The following BCAS3 variants were observed in gnomAD, a reference collection of about 807,000 sequenced individuals.
The protein encoded by BCAS3 is BCAS3 microtubule associated cell migration factor.
A neutral mutation model predicts 116.1 loss-of-function variants in BCAS3; 53 were observed. The ratio of observed to expected loss-of-function variants is 0.46; its 90% CI spans 0.37 to 0.57. BCAS3 has a LOEUF of 0.57. Ranked by LOEUF, BCAS3 falls within the 20% of genes least tolerant of loss-of-function variation. BCAS3 has a pLI of 0.00. For synonymous variants in BCAS3, 391 were observed against 408.2 expected (o/e 0.96, Z 0.51); for missense variants, 917 against 1,165.4 (o/e 0.79, Z 3.10).
At chr17:61,338,044 G>A (rs983045487) in intron 22 of BCAS3, among the ~76,000 whole-genome samples, 4 of 152,162 alleles carry the variant, frequency 2.6e-5, no homozygotes, top group Admixed American at 2.6e-4. Context: ...GCTTAATGTT[G>A]TATCTCAGTG....
chr17:60,973,124 T>C (rs968859798), intron 14 of BCAS3, among the ~76,000 whole-genome samples: 2 of 152,194 alleles, frequency 1.3e-5, no homozygotes, highest in Non-Finnish European at 2.9e-5. Flanking sequence ...ATAAAATGTT[T>C]GCTGCTGGTC....
chr17:60,770,400 C>CTTTTT lies in BCAS3; in HGVS notation c.403+23154_403+23158dup, dbSNP rs35691381. Among the ~76,000 whole-genome samples, 9 of 76,876 alleles carry CTTTTT rather than the reference C, an allele frequency of 1.2e-4. 1 individual carries two copies. The highest frequency in any genetic ancestry group is 6.2e-4 in the South Asian group (1 of 1,622). 50.4% of individuals were successfully genotyped at this position (76,876 alleles called of 152,430 possible). ...CGCCTCTCTCATCCCAGTGTTCCCT[C>CTTTTT]TTTTTTTTTTTTTTTTTTTTTTTTT... On this transcript the variant is annotated intron_variant, in intron 6 of 23. Transcript: ENST00000407086.
chr17:60,739,377 T>G (rs1474138775), intron 5 of BCAS3, among the ~76,000 whole-genome samples: 2 of 152,158 alleles, frequency 1.3e-5, no homozygotes, highest in Non-Finnish European at 2.9e-5. Context: ...CCCAGCACTT[T>G]GGGAGGCTGA....
At chr17:61,290,970 C>T (rs574405100) in intron 22 of BCAS3, among the ~76,000 whole-genome samples, 16 of 152,004 alleles carry the variant, frequency 1.1e-4, no homozygotes, top group Middle Eastern at 3.2e-3. Flanking sequence ...TTAGTAGAGA[C>T]GGGGTTTCAC....
rs183015193 is a variant in BCAS3 at position 61,351,448 on chromosome 17, G to A, written c.2426-16879G>A. On this transcript the variant is annotated intron_variant, in intron 22 of 23. Transcript: ENST00000407086. ...TACTTGACATTCAGATTCCACGTTC[G>A]ATTTTTGAATGATCTGTCATAGAGC... Among the ~76,000 whole-genome samples the A allele has an allele frequency of 3.3e-5, 5 of 152,300 alleles. No homozygotes were observed. The South Asian group carries it at 6.2e-4, about 19-fold the overall frequency.
chr17:60,815,402 C>A (rs2049283871), intron 7 of BCAS3, among the ~76,000 whole-genome samples: 1 of 151,810 alleles, frequency 6.6e-6, no homozygotes, highest in South Asian at 2.1e-4. Flanking sequence ...ATGTAACAAG[C>A]CTGCACGTTG....
chr17:60,744,908 G>T (rs1224412132), intron 5 of BCAS3, among the ~76,000 whole-genome samples: 1 of 152,160 alleles, frequency 6.6e-6, no homozygotes, highest in East Asian at 1.9e-4. Flanking sequence ...TTGCTGAAAA[G>T]TGTTGTATAT....
intron 13 of BCAS3, among the ~76,000 whole-genome samples, chr17:60,941,485 A>G (rs921407957): frequency 6.6e-6 from 1 of 152,196 alleles, no homozygotes; most frequent in Admixed American, 6.5e-5. Flanking sequence ...TCTAAATGAA[A>G]AGAAAGCACG....
In BCAS3 at chr17:61,215,915, C is replaced by G. The variant is rs1391598509; in HGVS notation, c.2425+131351C>G. 6.6e-6 allele frequency among the ~76,000 whole-genome samples: 1 copy of G among 152,196 alleles called. No individual in the cohort carries two copies. Among genetic ancestry groups the G allele is most frequent in the Non-Finnish European group, 1.5e-5 (1 of 68,034 alleles). On this transcript the variant is annotated intron_variant, in intron 22 of 23. Coordinates refer to ENST00000407086, the MANE Select transcript of BCAS3 (RefSeq NM_017679.5). The surrounding 1 kb of genome is among the most constrained non-coding windows in gnomAD (Gnocchi z 4.8). ...TTGAAAACCTTTGTCTTAGTCAGAT[C>G]TCTGTGCTTTTCAGGATATAATAGG...
intron 5 of BCAS3, among the ~76,000 whole-genome samples, chr17:60,731,952 T>G (rs924055874): frequency 7.9e-5 from 12 of 151,940 alleles, no homozygotes; most frequent in Non-Finnish European, 1.6e-4. Context: ...TTTTTGTATT[T>G]TTAGTAGAGA....
chr17:61,180,736 C>T lies in BCAS3; in HGVS notation c.2425+96172C>T, dbSNP rs959152151. Among the ~76,000 whole-genome samples, 1 of 152,198 alleles carries T rather than the reference C, an allele frequency of 6.6e-6. No homozygotes were observed. Among genetic ancestry groups the T allele is most frequent in the Non-Finnish European group, 1.5e-5 (1 of 68,046 alleles). The stretch of plus-strand genomic sequence containing the variant: ...CTTAGATGGCATATGGCACTATCTG[C>T]AGTAGGCTTTGTGCTGTAGGCACAG... On this transcript the variant is annotated intron_variant, in intron 22 of 23. Coordinates refer to ENST00000407086, the MANE Select transcript of BCAS3 (RefSeq NM_017679.5). This position sits in a 1 kb window ranked among gnomAD's most constrained non-coding sequence, Gnocchi z 6.0.
At chr17:60,834,217 A>G (rs1400023662) in intron 7 of BCAS3, among the ~76,000 whole-genome samples, 4 of 152,058 alleles carry the variant, frequency 2.6e-5, no homozygotes. Flanking sequence ...GATTTCTTAG[A>G]AGTATTAATT....
At chr17:60,847,616 G>A (rs570637544) in intron 7 of BCAS3, among the ~76,000 whole-genome samples, 27 of 152,112 alleles carry the variant, frequency 1.8e-4, no homozygotes, top group Non-Finnish European at 3.2e-4. Flanking sequence ...TTGTGCACAT[G>A]TTGACCATTT....
rs752155565 is a variant in BCAS3 at position 61,259,967 on chromosome 17, G to T, written c.2426-108360G>T. On this transcript the variant is annotated intron_variant, in intron 22 of 23. Transcript: ENST00000407086. The surrounding 1 kb of genome is among the most constrained non-coding windows in gnomAD (Gnocchi z 4.7). Reference sequence around the variant, plus strand: ...TGCTGTGTGAGGTAGGCGTTGTACAGGCTGCCTAACATAGTTTTTTATTAA... The same window carrying T: ...TGCTGTGTGAGGTAGGCGTTGTACATGCTGCCTAACATAGTTTTTTATTAA... Among the ~76,000 whole-genome samples the T allele has an allele frequency of 6.6e-6, 1 of 152,166 alleles. No homozygotes were observed. Among genetic ancestry groups the T allele is most frequent in the Non-Finnish European group, 1.5e-5 (1 of 68,018 alleles).
At position 61,126,917 on chromosome 17, in the gene BCAS3, G is replaced by C. The variant is rs912112755; in HGVS notation, c.2425+42353G>C. On this transcript the variant is annotated intron_variant, in intron 22 of 23. Transcript: ENST00000407086. This position sits in a 1 kb window ranked among gnomAD's most constrained non-coding sequence, Gnocchi z 4.6. ...GTAACAAGAATACAAAATGTGTTAA[G>C]ATTTCTTTCTGGGTTATTTTTCCAA... Among the ~76,000 whole-genome samples, 1 of 152,088 alleles carries C rather than the reference G, an allele frequency of 6.6e-6. No homozygotes were observed. Among genetic ancestry groups the C allele is most frequent in the African/African-American group, 2.4e-5 (1 of 41,406 alleles).
At chr17:60,700,169 G>C (rs2036196393) in intron 4 of BCAS3, among the ~76,000 whole-genome samples, 1 of 133,154 alleles carries the variant, frequency 7.5e-6, no homozygotes, top group South Asian at 2.1e-4. Context: ...GTGAGACCCT[G>C]TCTCAAAAAA....
At chr17:60,873,754 TTTAAAC>T (rs1187101452) in intron 8 of BCAS3, among the ~76,000 whole-genome samples, 2 of 152,370 alleles carry the variant, frequency 1.3e-5, no homozygotes, top group Admixed American at 6.5e-5. Context: ...TCATCCGCCA[TTTAAAC>T]TTAAAGTGAT....
chr17:60,708,565 G>A (rs966245155), intron 4 of BCAS3, among the ~76,000 whole-genome samples: 10 of 151,974 alleles, frequency 6.6e-5, no homozygotes, highest in Non-Finnish European at 7.4e-5. Context: ...GAGTCTTGCT[G>A]TGTCACCCAG....
intron 13 of BCAS3, among the ~76,000 whole-genome samples, chr17:60,932,742 C>CAAAAAAAAAAAAAAA (rs1167994825): frequency 2.6e-5 from 1 of 38,204 alleles, no homozygotes; most frequent in Non-Finnish European, 6.3e-5. Flanking sequence ...ACTCTTGTCT[C>CAAAAAAAAAAAAAAA]AAAAAAAAAA....
Sources: allele counts gnomAD v4.1 joint callset (sites outside exome capture counted in the v4.1 genomes callset), GRCh38; gene constraint gnomAD v4.1.1; non-coding constraint Gnocchi (gnomAD v3.1); transcripts MANE v1.5; gene names NCBI Gene and HGNC (gene_info 2026-07-23, HGNC 2026-07-21).